HS3ST5: variants seen among roughly 807,000 people sequenced by gnomAD.
HS3ST5 encodes heparan sulfate-glucosamine 3-sulfotransferase 5.
A neutral mutation model predicts 25.4 loss-of-function variants in HS3ST5; 10 were observed. The ratio of observed to expected loss-of-function variants is 0.39; its 90% CI spans 0.24 to 0.67. HS3ST5 has a LOEUF of 0.67. Among genes scored for constraint, HS3ST5 ranks in the 30% least tolerant of loss-of-function variants. The pLI is 0.44. For missense variants in HS3ST5, 324 were observed against 420.7 expected (o/e 0.77, Z 2.01); for synonymous variants, 170 against 162.4 (o/e 1.05, Z -0.36).
intron 1 of HS3ST5, among the ~76,000 whole-genome samples, chr6:114,311,569 G>A (rs1425854241): frequency 2.1e-5 from 2 of 94,032 alleles, no homozygotes; most frequent in East Asian, 7.5e-4. Context: ...TTTTGAGACA[G>A]TCTCACTCTG....
intron 1 of HS3ST5, among the ~76,000 whole-genome samples, chr6:114,281,533 C>T (rs963238376): frequency 2.0e-4 from 30 of 152,090 alleles, no homozygotes; most frequent in Middle Eastern, 6.8e-3. Flanking sequence ...TCACCTGTGG[C>T]CACATGGAAA....
chr6:114,201,845 CT>C (rs1372474885), intron 2 of HS3ST5, among the ~76,000 whole-genome samples: 2 of 152,096 alleles, frequency 1.3e-5, no homozygotes, highest in African/African-American at 4.8e-5. Flanking sequence ...CAAACATGTC[CT>C]TCTTTACATG....
intron 1 of HS3ST5, among the ~76,000 whole-genome samples, chr6:114,266,894 G>A (rs570862705): frequency 3.3e-5 from 5 of 152,214 alleles, no homozygotes; most frequent in East Asian, 1.9e-4. Context: ...ATTCAGTTTC[G>A]ATTGCAAAAA....
rs775553044 is a variant in HS3ST5, at chr6:114,057,827, T to G, written c.471A>C (p.Pro157=). 1.2e-6 allele frequency: 2 copies of G among 1,614,176 alleles called. No homozygotes were observed. The highest frequency in any genetic ancestry group is 1.1e-5 in the South Asian group (1 of 91,072). ...GAACCTCCTCTGTGATAAAATATGC[T>G]GGGCTCTTTTCAATTGTGATTTGCT... The part of the protein sequence containing the change: ...YPQQITIEKS[P]AYFITEEVPE... Residue 157 remains proline (P), a synonymous_variant, in exon 5 of 5, where the codon CCA becomes CCC. Coordinates refer to ENST00000312719, the MANE Select transcript of HS3ST5 (RefSeq NM_153612.4).
intron 1 of HS3ST5, among the ~76,000 whole-genome samples, chr6:114,321,058 T>C (rs1775952348): frequency 6.6e-6 from 1 of 151,842 alleles, no homozygotes; most frequent in Non-Finnish European, 1.5e-5. Flanking sequence ...ACAGGCATAT[T>C]TCTGGATGAA....
At chr6:114,084,087 T>A in intron 3 of HS3ST5, 2 of 388,834 alleles carry the variant, frequency 5.1e-6, no homozygotes, top group South Asian at 7.1e-5. Context: ...TTTCTTTTCT[T>A]TTTTTTTTTT....
At chr6:114,167,130 C>T (rs1339073144) in intron 3 of HS3ST5, among the ~76,000 whole-genome samples, 1 of 152,208 alleles carries the variant, frequency 6.6e-6, no homozygotes. Flanking sequence ...GGACTACAGG[C>T]ACATGCCACT....
chr6:114,144,320 G>A (rs760198937), intron 3 of HS3ST5, among the ~76,000 whole-genome samples: 1 of 151,860 alleles, frequency 6.6e-6, no homozygotes, highest in South Asian at 2.1e-4. Context: ...TACATTTAGC[G>A]AAGAGTTCAC....
At chr6:114,060,884 A>T (rs1773075363) in intron 4 of HS3ST5, among the ~76,000 whole-genome samples, 1 of 152,200 alleles carries the variant, frequency 6.6e-6, no homozygotes, top group South Asian at 2.1e-4. Context: ...CCCACTTCTG[A>T]AAGCATGGAT....
chr6:114,190,207 G>C (rs938210409), intron 2 of HS3ST5, among the ~76,000 whole-genome samples: 1 of 152,106 alleles, frequency 6.6e-6, no homozygotes, highest in African/African-American at 2.4e-5. Context: ...TGGGAGATGG[G>C]GGGTGTCTAG....
At chr6:114,076,971 A>G (rs1224481730) in intron 3 of HS3ST5, among the ~76,000 whole-genome samples, 1 of 152,188 alleles carries the variant, frequency 6.6e-6, no homozygotes, top group Non-Finnish European at 1.5e-5. Flanking sequence ...AATGAAAAGG[A>G]AAAAGGTTGA....
chr6:114,154,526 A>G (rs1778607234), intron 3 of HS3ST5, among the ~76,000 whole-genome samples: 1 of 152,208 alleles, frequency 6.6e-6, no homozygotes, highest in Non-Finnish European at 1.5e-5. Flanking sequence ...AAAAAGACTT[A>G]GATTAGATGT....
intron 2 of HS3ST5, among the ~76,000 whole-genome samples, chr6:114,179,331 C>T (rs1779857439): frequency 6.6e-6 from 1 of 152,154 alleles, no homozygotes; most frequent in African/African-American, 2.4e-5. Context: ...TACCAATTCA[C>T]TGAGATGTGA....
intron 2 of HS3ST5, among the ~76,000 whole-genome samples, chr6:114,187,789 A>G (rs746229289): frequency 2.0e-5 from 3 of 152,182 alleles, no homozygotes; most frequent in Non-Finnish European, 2.9e-5. Context: ...GGAAGAGTCG[A>G]TCGATGTGGC....
chr6:114,285,792 C>T (rs974093628), intron 1 of HS3ST5, among the ~76,000 whole-genome samples: 1 of 151,870 alleles, frequency 6.6e-6, no homozygotes, highest in Non-Finnish European at 1.5e-5. Flanking sequence ...CAAACTTGCA[C>T]ATCCTGCACA....
intron 3 of HS3ST5, among the ~76,000 whole-genome samples, chr6:114,151,079 G>A (rs1279751369): frequency 6.6e-6 from 1 of 152,154 alleles, no homozygotes; most frequent in Non-Finnish European, 1.5e-5. Context: ...AAAGATGGCT[G>A]ACTCTGATAG....
At chr6:114,310,524 T>C (rs1775484769) in intron 1 of HS3ST5, among the ~76,000 whole-genome samples, 3 of 151,946 alleles carry the variant, frequency 2.0e-5, no homozygotes, top group Admixed American at 6.6e-5. Context: ...ACTCACCAAA[T>C]AGCTTTTTTT....
intron 1 of HS3ST5, among the ~76,000 whole-genome samples, chr6:114,229,693 T>G (rs910060519): frequency 1.3e-5 from 2 of 152,226 alleles, no homozygotes; most frequent in African/African-American, 2.4e-5. Flanking sequence ...ATAAGAAGTA[T>G]GCTGGGTAAG....
At chr6:114,156,282 A>C (rs1778693906) in intron 3 of HS3ST5, among the ~76,000 whole-genome samples, 1 of 152,230 alleles carries the variant, frequency 6.6e-6, no homozygotes, top group African/African-American at 2.4e-5. Context: ...CTGGTTCTTC[A>C]GACTCCTCAG....
Sources: allele counts gnomAD v4.1 joint callset (sites outside exome capture counted in the v4.1 genomes callset), GRCh38; gene constraint gnomAD v4.1.1; transcripts MANE v1.5; gene names NCBI Gene and HGNC (gene_info 2026-07-23, HGNC 2026-07-21).